The following DPYSL3 variants were observed in gnomAD, a reference collection of about 807,000 sequenced individuals.
DPYSL3 encodes the protein dihydropyrimidinase-related protein 3.
DPYSL3 carries 16 observed loss-of-function variants against 66.1 expected under a neutral mutation model. That is an observed-to-expected ratio of 0.24 (90% CI 0.16 to 0.37). The LOEUF is 0.37. Ranked by LOEUF, DPYSL3 falls within the 10% of genes least tolerant of loss-of-function variation. The pLI is 1.00. For synonymous variants in DPYSL3, 338 were observed against 345.1 expected (o/e 0.98, Z 0.23); for missense variants, 738 against 916.2 (o/e 0.81, Z 2.51).
At chr5:147,458,474 C>T (rs1311334387) in intron 1 of DPYSL3, among the ~76,000 whole-genome samples, 1 of 152,178 alleles carries the variant, frequency 6.6e-6, no homozygotes, top group African/African-American at 2.4e-5. Flanking sequence ...AGCAGATCCT[C>T]GGGGCTGCTC....
intron 1 of DPYSL3, among the ~76,000 whole-genome samples, chr5:147,487,586 T>C (rs1753353553): frequency 6.6e-6 from 1 of 152,244 alleles, no homozygotes; most frequent in African/African-American, 2.4e-5. Context: ...ACCTGTTTTT[T>C]TGTTTGTTTT....
At chr5:147,403,716 G>A (rs538888117) in intron 8 of DPYSL3, among the ~76,000 whole-genome samples, 1 of 152,294 alleles carries the variant, frequency 6.6e-6, no homozygotes, top group South Asian at 2.1e-4. Context: ...GGAGGGAAGT[G>A]CAAACCCTGC....
chr5:147,504,730 C>G (rs67890710), intron 1 of DPYSL3, among the ~76,000 whole-genome samples: 19,513 of 152,220 alleles, frequency 0.13, 1,322 homozygotes, highest in Middle Eastern at 0.22. Context: ...ACCCAGAGCC[C>G]TTGCCAACTT....
chr5:147,481,030 A>G (rs1305048068), intron 1 of DPYSL3, among the ~76,000 whole-genome samples: 2 of 152,244 alleles, frequency 1.3e-5, no homozygotes, highest in Non-Finnish European at 2.9e-5. Context: ...CCATAAATCT[A>G]TTTTTATTAA....
intron 1 of DPYSL3, among the ~76,000 whole-genome samples, chr5:147,442,821 T>C (rs936004164): frequency 2.7e-4 from 39 of 144,384 alleles, no homozygotes; most frequent in African/African-American, 1.0e-3. Context: ...TGTGGAATCA[T>C]TTTAATAAAT....
At chr5:147,474,828 C>T (rs113698519) in intron 1 of DPYSL3, among the ~76,000 whole-genome samples, 4,866 of 151,938 alleles carry the variant, frequency 0.032, 99 homozygotes, top group Non-Finnish European at 0.051. Flanking sequence ...TATACAATTC[C>T]GTGGTTTTTA....
At chr5:147,394,618 T>TG (rs150932497) in intron 13 of DPYSL3, among the ~76,000 whole-genome samples, 25,168 of 151,714 alleles carry the variant, frequency 0.17, 2,387 homozygotes, top group East Asian at 0.27. Flanking sequence ...AATGTGTGCT[T>TG]GGGTCTATTC....
At chr5:147,479,063 A>T (rs562459012) in intron 1 of DPYSL3, among the ~76,000 whole-genome samples, 1 of 152,232 alleles carries the variant, frequency 6.6e-6, no homozygotes, top group African/African-American at 2.4e-5. Context: ...GTACATCATG[A>T]GTTAATTAAA....
At chr5:147,426,339 G>A (rs1752197577) in intron 1 of DPYSL3, among the ~76,000 whole-genome samples, 1 of 152,094 alleles carries the variant, frequency 6.6e-6, no homozygotes, top group Admixed American at 6.5e-5. Context: ...AATGTGGAAG[G>A]AGCTTAGGGT....
intron 1 of DPYSL3, among the ~76,000 whole-genome samples, chr5:147,471,582 T>C (rs977645134): frequency 6.6e-6 from 1 of 152,130 alleles, no homozygotes; most frequent in African/African-American, 2.4e-5. Flanking sequence ...GGAGAAGGGA[T>C]GGAGGAATTA....
At chr5:147,461,534 A>C (rs548337470) in intron 1 of DPYSL3, among the ~76,000 whole-genome samples, 1 of 152,262 alleles carries the variant, frequency 6.6e-6, no homozygotes, top group South Asian at 2.1e-4. Flanking sequence ...TCCATGTCTT[A>C]GTTTTCCATG....
At chr5:147,396,388 T>G (rs1757972501) in intron 12 of DPYSL3, among the ~76,000 whole-genome samples, 1 of 151,994 alleles carries the variant, frequency 6.6e-6, no homozygotes, top group African/African-American at 2.4e-5. Flanking sequence ...ACACGGTACC[T>G]CCTGCAAAGG....
At chr5:147,395,845 T>C in intron 12 of DPYSL3, 124 bp from the exon 13 acceptor site, 1 of 1,162,680 alleles carries the variant, frequency 8.6e-7, no homozygotes, top group Non-Finnish European at 1.2e-6. Context: ...ATAATAAAGA[T>C]AATTTGAGGA....
chr5:147,445,914 A>G lies in DPYSL3; in HGVS notation c.382-20951T>C, dbSNP rs538750635. Among the ~76,000 whole-genome samples, 2 of 152,336 alleles carry G rather than the reference A, an allele frequency of 1.3e-5. 1 individual carries two copies. Among genetic ancestry groups the G allele is most frequent in the African/African-American group, 4.8e-5 (2 of 41,570 alleles). On this transcript the variant is annotated intron_variant, in intron 1 of 13. Transcript: ENST00000343218. ...TAGGCAGAGGATCTCAGTCATCATT[A>G]TTCCATTTCTCCTCTGCACAAAATC...
chr5:147,495,064 T>C (rs1284988638), intron 1 of DPYSL3, among the ~76,000 whole-genome samples: 4 of 152,012 alleles, frequency 2.6e-5, no homozygotes, highest in Middle Eastern at 3.2e-3. Flanking sequence ...AAATCAATAA[T>C]TACCTTCCAA....
At chr5:147,486,441 A>G (rs1753330145) in intron 1 of DPYSL3, among the ~76,000 whole-genome samples, 1 of 152,212 alleles carries the variant, frequency 6.6e-6, no homozygotes. Flanking sequence ...AAAGGGTAGG[A>G]CAAAATAATC....
intron 1 of DPYSL3, among the ~76,000 whole-genome samples, chr5:147,488,719 G>GA (rs1320559035): frequency 1.3e-5 from 2 of 151,642 alleles, no homozygotes; most frequent in African/African-American, 2.4e-5. Flanking sequence ...CTTCTCAAAA[G>GA]AAAAAAATAT....
intron 1 of DPYSL3, among the ~76,000 whole-genome samples, chr5:147,458,858 G>A (rs1752892100): frequency 6.6e-6 from 1 of 152,094 alleles, no homozygotes; most frequent in Admixed American, 6.5e-5. Context: ...AGAGCAGGGA[G>A]AACACAGTGT....
chr5:147,404,816 G>A (rs1758287987), intron 8 of DPYSL3, among the ~76,000 whole-genome samples: 1 of 152,148 alleles, frequency 6.6e-6, no homozygotes, highest in Non-Finnish European at 1.5e-5. Flanking sequence ...ATATGCTTTG[G>A]AGACCCACTC....
Sources: allele counts gnomAD v4.1 joint callset (sites outside exome capture counted in the v4.1 genomes callset), GRCh38; gene constraint gnomAD v4.1.1; transcripts MANE v1.5; gene names NCBI Gene and HGNC (gene_info 2026-07-23, HGNC 2026-07-21).